SCN8A: variants seen among roughly 807,000 people sequenced by gnomAD.
The protein encoded by SCN8A is sodium voltage-gated channel alpha subunit 8.
In SCN8A, 30 loss-of-function variants were observed where a neutral mutation model predicts 184.1. The ratio of observed to expected loss-of-function variants is 0.16; its 90% CI spans 0.12 to 0.22. The LOEUF (loss-of-function observed/expected upper bound fraction) is 0.22, where lower values mean the gene tolerates loss of function less well. Ranked by LOEUF, SCN8A falls within the 10% of genes least tolerant of loss-of-function variation. The pLI, the probability that SCN8A is intolerant of heterozygous loss-of-function variation, is 1.00. For synonymous variants in SCN8A, 852 were observed against 907.0 expected, an observed-to-expected ratio of 0.94 and a Z score of 1.09; for missense variants, 1,057 against 2,498.9, an observed-to-expected ratio of 0.42 and a Z score of 12.30.
chr12:51,599,649 A>G (rs888291869), intron 1 of SCN8A, among the ~76,000 whole-genome samples: 2 of 152,170 alleles, frequency 1.3e-5, no homozygotes, highest in Non-Finnish European at 2.9e-5. Flanking sequence ...GTGTTTTAGG[A>G]ATATTGGGCA....
At position 51,634,564 on chromosome 12, in the gene SCN8A, A is replaced by C. The variant is rs59442260; in HGVS notation, c.-54-28200A>C. Among the ~76,000 whole-genome samples the C allele has an allele frequency of 9.2e-3, 1,391 of 151,980 alleles. 20 individuals are homozygous for C. Among genetic ancestry groups the C allele is most frequent in the African/African-American group, 0.031 (1,297 of 41,490 alleles). ...GGATTTCATAGTGGTTCTCTTAAGT[A>C]TTAGGCTCATAGACGGTTTTTAATT... On this transcript the variant is annotated intron_variant, in intron 1 of 26. Transcript: ENST00000627620.
At chr12:51,692,186 A>G (rs1941521510) in intron 6 of SCN8A, among the ~76,000 whole-genome samples, 1 of 152,318 alleles carries the variant, frequency 6.6e-6, no homozygotes, top group Admixed American at 6.5e-5. Flanking sequence ...AGTGAGAGCA[A>G]CCACTGACCT....
intron 1 of SCN8A, among the ~76,000 whole-genome samples, chr12:51,628,298 T>C (rs985567081): frequency 6.6e-6 from 1 of 152,234 alleles, no homozygotes; most frequent in African/African-American, 2.4e-5. Context: ...CCAAATTTTG[T>C]TTAGAAGTGA....
intron 1 of SCN8A, among the ~76,000 whole-genome samples, chr12:51,628,856 A>G (rs1041762882): frequency 6.6e-6 from 1 of 152,180 alleles, no homozygotes; most frequent in African/African-American, 2.4e-5. Context: ...AGTCTGGATA[A>G]TATTTTTACG....
chr12:51,721,929 T>C (rs1942074376), intron 12 of SCN8A, 21 bp downstream of exon 12: 2 of 1,599,432 alleles, frequency 1.3e-6, no homozygotes, highest in Non-Finnish European at 1.7e-6. Context: ...ATAAGGCAGC[T>C]ACCGATGACA....
chr12:51,738,349 A>G (rs1479112838), intron 12 of SCN8A, among the ~76,000 whole-genome samples: 2 of 152,190 alleles, frequency 1.3e-5, no homozygotes, highest in African/African-American at 2.4e-5. Context: ...ACAATGCAAA[A>G]TATAACTACT....
rs186160102 is a variant in SCN8A at position 51,680,172 on chromosome 12, T to C, written c.277-4002T>C. On this transcript the variant is annotated intron_variant, in intron 2 of 26. Transcript: ENST00000627620. ...GTTTAGTGTGCTAGATGTTTATTTTTGTTAACAGAAAAACTGTTTTTATAC... is the reference window on the plus strand; with the variant it reads ...GTTTAGTGTGCTAGATGTTTATTTTCGTTAACAGAAAAACTGTTTTTATAC... Among the ~76,000 whole-genome samples the C allele has an allele frequency of 6.5e-4, 99 of 152,342 alleles. 1 individual carries two copies. The highest frequency in any genetic ancestry group is 2.2e-3 in the African/African-American group (92 of 41,578).
chr12:51,765,637 T>G, intron 15 of SCN8A, 34 bp from the exon 16 acceptor site: 6 of 1,243,582 alleles, frequency 4.8e-6, no homozygotes, highest in Non-Finnish European at 6.5e-6. Context: ...TTGAGTATCA[T>G]TTATTTTTTT....
chr12:51,611,729 A>G (rs1939724796), intron 1 of SCN8A, among the ~76,000 whole-genome samples: 1 of 152,054 alleles, frequency 6.6e-6, no homozygotes, highest in Admixed American at 6.5e-5. Flanking sequence ...CCCTGACCTC[A>G]GGTGATCCAC....
At chr12:51,723,547 A>G (rs371444587) in intron 12 of SCN8A, among the ~76,000 whole-genome samples, 17 of 152,040 alleles carry the variant, frequency 1.1e-4, no homozygotes, top group East Asian at 7.8e-4. Flanking sequence ...ATAAGCTACA[A>G]ATTACTCTTA....
rs144577061 is a variant in SCN8A at position 51,759,583 on chromosome 12, A to G, written c.2371-2920A>G. On this transcript the variant is annotated intron_variant, in intron 14 of 26. Coordinates refer to ENST00000627620, the MANE Select transcript of SCN8A (RefSeq NM_001330260.2). ...CTGTAGTTGATGGTAGCTAACTGCA[A>G]CTGCAGAAAGCAAAACCACAGATGG... Among the ~76,000 whole-genome samples, 616 of 152,328 alleles carry G rather than the reference A, an allele frequency of 4.0e-3. 6 individuals carry two copies. The highest frequency in any genetic ancestry group is 0.014 in the African/African-American group (575 of 41,564).
chr12:51,604,336 G>A (rs1476762557), intron 1 of SCN8A, among the ~76,000 whole-genome samples: 1 of 150,694 alleles, frequency 6.6e-6, no homozygotes. Context: ...TCTTTCTCCT[G>A]AATTGATTTT....
intron 16 of SCN8A, 178 bp downstream of exon 16, chr12:51,766,205 A>G (rs1340741226): frequency 1.6e-6 from 1 of 639,820 alleles, no homozygotes; most frequent in Admixed American, 2.5e-5. Context: ...AGATACTTAC[A>G]GAGTGCCTAC....
intron 11 of SCN8A, 68 bp from the exon 12 acceptor site, chr12:51,721,478 T>A (rs929576202): frequency 1.2e-4 from 176 of 1,462,700 alleles, no homozygotes; most frequent in South Asian, 4.2e-4. Context: ...ACCACTTTGC[T>A]CAGTATAAAG....
rs750239826 is a variant in SCN8A, at chr12:51,786,688, C to T, written c.4089C>T (p.Ile1363=). The change falls in exon 22 of 27, where the codon ATC becomes ATT. Residue 1363 remains isoleucine, a synonymous_variant. Transcript: ENST00000627620. ...YHYCFNETSE[I]RFEIEDVNNK... is the part of the protein sequence containing the mutation. ...ACTGCTTTAATGAGACTTCTGAAAT[C>T]CGATTTGAAATTGAAGATGTCAACA... The T allele has an allele frequency of 6.2e-7, 1 of 1,613,940 alleles. No homozygotes were observed. Among genetic ancestry groups the T allele is most frequent in the East Asian group, 2.2e-5 (1 of 44,882 alleles).
intron 12 of SCN8A, among the ~76,000 whole-genome samples, chr12:51,745,618 A>G (rs1471871377): frequency 6.6e-6 from 1 of 152,118 alleles, no homozygotes; most frequent in Non-Finnish European, 1.5e-5. Flanking sequence ...TGGTCTTTCT[A>G]CTCTATGCTT....
chr12:51,688,947 G>GT (rs1941463221), intron 5 of SCN8A, 58 bp from the exon 6 acceptor site: 2 of 1,576,230 alleles, frequency 1.3e-6, no homozygotes, highest in African/African-American at 2.7e-5. Flanking sequence ...TTCCTTTGGT[G>GT]TTTGTGTTTG....
Position 51,794,367 on chromosome 12 carries a change from C to G in SCN8A, c.4525-4C>G. The G allele has an allele frequency of 1.2e-6, 2 of 1,607,094 alleles. No homozygotes were observed. Among genetic ancestry groups the G allele is most frequent in the South Asian group, 2.2e-5 (2 of 90,440 alleles). ...TTTTATCTTTTCCTTCCCTTCCTCCCCAGAACAAAATCCAAGGAATCGTCT... is the reference window on the plus strand; with the variant it reads ...TTTTATCTTTTCCTTCCCTTCCTCCGCAGAACAAAATCCAAGGAATCGTCT... On this transcript the variant is annotated splice_polypyrimidine_tract_variant and splice_region_variant and intron_variant, in intron 25 of 26. Transcript: ENST00000627620.
At chr12:51,685,408 C>G (rs1828363940) in intron 3 of SCN8A, among the ~76,000 whole-genome samples, 1 of 152,104 alleles carries the variant, frequency 6.6e-6, no homozygotes, top group Non-Finnish European at 1.5e-5. Context: ...CTCCCAGGCT[C>G]TAATTGGCTC....
Sources: gnomAD v4.1 joint callset for allele counts (sites outside exome capture counted in the v4.1 genomes callset) on GRCh38, gnomAD v4.1.1 for gene constraint, MANE v1.5 for transcripts, NCBI Gene and HGNC (gene_info 2026-07-23, HGNC 2026-07-21) for gene names.